Variants in POLQ observed in about 807,000 individuals in gnomAD.
POLQ encodes epididymis secretory sperm binding protein.
In POLQ, 233 loss-of-function variants were observed where a neutral mutation model predicts 259.2. That is an observed-to-expected ratio of 0.90 (90% CI 0.81 to 1.00). The LOEUF (loss-of-function observed/expected upper bound fraction) is 1.00, where lower values mean the gene tolerates loss of function less well. Among genes scored for constraint, POLQ ranks in the 50% least tolerant of loss-of-function variants. POLQ has a pLI of 0.00. For synonymous variants in POLQ, 1,025 were observed against 1,048.8 expected (o/e 0.98, Z 0.44); for missense variants, 2,871 against 3,051.6 (o/e 0.94, Z 1.39).
At chr3:121,531,485 G>T (rs486725) in intron 6 of POLQ, among the ~76,000 whole-genome samples, 2,249 of 152,286 alleles carry the variant, frequency 0.015, 26 homozygotes, top group Non-Finnish European at 0.022. Context: ...AGCACTAAGA[G>T]GGGTGGGGGA....
intron 17 of POLQ, among the ~76,000 whole-genome samples, chr3:121,484,221 C>G (rs2047992716): frequency 6.6e-6 from 1 of 152,184 alleles, no homozygotes; most frequent in African/African-American, 2.4e-5. Context: ...TGCTCCTGTC[C>G]AAAACCAACC....
At chr3:121,528,092 G>A (rs1254089836) in intron 7 of POLQ, among the ~76,000 whole-genome samples, 3 of 152,098 alleles carry the variant, frequency 2.0e-5, no homozygotes, top group African/African-American at 7.2e-5. Flanking sequence ...GCTATGTATG[G>A]TCTGTGTCTG....
chr3:121,493,808 G>A (rs2048091768), intron 14 of POLQ, 87 bp from the exon 15 acceptor site: 10 of 1,289,468 alleles, frequency 7.8e-6, no homozygotes, highest in Non-Finnish European at 9.6e-6. Context: ...ATTTTCTTTT[G>A]TTTTTTCCCT....
At chr3:121,451,578 G>A (rs1310285054) in intron 25 of POLQ, among the ~76,000 whole-genome samples, 1 of 152,208 alleles carries the variant, frequency 6.6e-6, no homozygotes, top group Non-Finnish European at 1.5e-5. Flanking sequence ...GCCTCGGTAT[G>A]AGCAGCGGAG....
intron 24 of POLQ, among the ~76,000 whole-genome samples, chr3:121,464,131 C>G (rs1431092227): frequency 6.6e-6 from 1 of 152,184 alleles, no homozygotes; most frequent in African/African-American, 2.4e-5. Context: ...TGACTGATAT[C>G]ACACAGCATA....
intron 26 of POLQ, among the ~76,000 whole-genome samples, chr3:121,447,911 A>G (rs910731443): frequency 6.6e-6 from 1 of 152,112 alleles, no homozygotes; most frequent in Non-Finnish European, 1.5e-5. Flanking sequence ...GCTCCATTGT[A>G]TATTATTTGA....
At chr3:121,545,637 TG>T in intron 1 of POLQ, 77 bp downstream of exon 1, 2 of 1,362,104 alleles carry the variant, frequency 1.5e-6, no homozygotes, top group Non-Finnish European at 2.0e-6. Context: ...GCAAGTCCCG[TG>T]GGGTGAGGAC....
Position 121,539,516 on chromosome 3 carries a change from G to GCC in POLQ, c.547_548insGG (p.Ser183TrpfsTer16), listed in dbSNP as rs2048474822. The GCC allele has an allele frequency of 6.2e-7, 1 of 1,612,232 alleles. No individual in the cohort carries two copies. Among genetic ancestry groups the GCC allele is most frequent in the Admixed American group, 1.7e-5 (1 of 59,996 alleles). On this transcript the variant is annotated frameshift_variant, in exon 4 of 30. Coordinates refer to ENST00000264233, the MANE Select transcript of POLQ (RefSeq NM_199420.4). LOFTEE classifies it high-confidence loss of function. ...AATTGTGCAGACTGCAATATCCAAT[G>GCC]AAGAGAAATGCCTTGATGGAGAGGT...
chr3:121,473,851 C>A (rs1576409532), intron 20 of POLQ, among the ~76,000 whole-genome samples: 1 of 151,756 alleles, frequency 6.6e-6, no homozygotes, highest in Non-Finnish European at 1.5e-5. Flanking sequence ...CTCAGCCTCC[C>A]GAGTAGCTAG....
chr3:121,510,270 G>A (rs1373839085), intron 10 of POLQ, 27 bp from the exon 11 acceptor site: 1 of 1,563,946 alleles, frequency 6.4e-7, no homozygotes, highest in Non-Finnish European at 8.8e-7. Context: ...GGAAATTTCT[G>A]TAGCTTTTTA....
Position 121,511,925 on chromosome 3 carries a change from CT to C in POLQ, c.1572del (p.Glu525LysfsTer3). ...CGTATCATGCTGCCAGTTACTTCTT[CT>C]CCTTCTCGTCTTTGCAGACAGCTGC... ...PVRSCLQRRE[G>X]EEVTGSMIRA... On this transcript the variant is annotated frameshift_variant, in exon 10 of 30. Coordinates refer to ENST00000264233, the MANE Select transcript of POLQ (RefSeq NM_199420.4). LOFTEE classifies it high-confidence loss of function. 6.2e-7 allele frequency: 1 copy of C among 1,613,938 alleles called. No homozygotes were observed.
intron 25 of POLQ, among the ~76,000 whole-genome samples, chr3:121,455,690 G>T (rs979693973): frequency 1.3e-5 from 2 of 152,290 alleles, no homozygotes; most frequent in East Asian, 3.9e-4. Context: ...CCAGGAAGAA[G>T]TTGAATCTCT....
chr3:121,494,125 A>G, intron 14 of POLQ: 1 of 752,432 alleles, frequency 1.3e-6, no homozygotes, highest in Non-Finnish European at 2.3e-6. Flanking sequence ...GAAAGGAAAG[A>G]AGGCCAAGGG....
chr3:121,492,027 C>T (rs564313723), intron 15 of POLQ, among the ~76,000 whole-genome samples: 1 of 152,110 alleles, frequency 6.6e-6, no homozygotes. Flanking sequence ...CCACCACCCC[C>T]CTACCCCCAC....
intron 22 of POLQ, among the ~76,000 whole-genome samples, chr3:121,468,994 T>TGGC (rs1430437528): frequency 6.6e-6 from 1 of 152,148 alleles, no homozygotes; most frequent in Non-Finnish European, 1.5e-5. Context: ...CTTATAAGCC[T>TGGC]GGCCAACATA....
At chr3:121,526,967 G>A (rs892010874) in intron 7 of POLQ, among the ~76,000 whole-genome samples, 2 of 151,958 alleles carry the variant, frequency 1.3e-5, no homozygotes, top group Non-Finnish European at 2.9e-5. Context: ...ACAGTGGCAC[G>A]ATCATGGCTG....
intron 12 of POLQ, among the ~76,000 whole-genome samples, chr3:121,504,934 G>A (rs949291371): frequency 6.6e-6 from 1 of 152,090 alleles, no homozygotes; most frequent in African/African-American, 2.4e-5. Context: ...AAGGTCATGA[G>A]ATTTAGGGGC....
Position 121,544,863 on chromosome 3 carries a change from T to C in POLQ, c.207A>G (p.Leu69=), listed in dbSNP as rs2048518357. 40 of 1,611,300 alleles carry C rather than the reference T, an allele frequency of 2.5e-5. No individual in the cohort carries two copies. Among genetic ancestry groups the C allele is most frequent in the Non-Finnish European group, 3.3e-5 (39 of 1,177,584 alleles). The change falls in exon 2 of 30, where the codon CTA becomes CTG. Residue 69 remains leucine, a synonymous_variant. Coordinates refer to ENST00000264233, the MANE Select transcript of POLQ (RefSeq NM_199420.4). ...TAGGAAGTCCCCAGTTTGCCAATAG[T>C]AGCTTGTCTCTTTCGTAGTCAGGAA... ...PTVPDYERDK[L]LLANWGLPKA... is the part of the protein sequence containing the mutation.
chr3:121,542,613 C>A (rs1344831917), intron 2 of POLQ, among the ~76,000 whole-genome samples: 1 of 152,128 alleles, frequency 6.6e-6, no homozygotes, highest in Non-Finnish European at 1.5e-5. Flanking sequence ...GTCCTGAAAG[C>A]AATGCAGTGT....
Sources: gnomAD v4.1 joint callset for allele counts (sites outside exome capture counted in the v4.1 genomes callset) on GRCh38, gnomAD v4.1.1 for gene constraint, MANE v1.5 for transcripts, NCBI Gene and HGNC (gene_info 2026-07-23, HGNC 2026-07-21) for gene names.